KRABD3: variants seen among roughly 807,000 people sequenced by gnomAD.
The protein encoded by KRABD3 is KRAB domain containing 3.
At chr7:149,716,437 G>T in the KRABD3 span, among the ~76,000 whole-genome samples, 1 of 152,224 alleles carries the variant, frequency 6.6e-6, no homozygotes, top group African/African-American at 2.4e-5. Flanking sequence ...GAGCCAGCCA[G>T]TGGTGGCCTT....
At chr7:149,729,874 G>A in the KRABD3 span, 25 of 985,314 alleles carry the variant, frequency 2.5e-5, no homozygotes, top group African/African-American at 2.3e-4. Flanking sequence ...ACCTAGGCCT[G>A]GCTAGAACCT....
the KRABD3 span, among the ~76,000 whole-genome samples, chr7:149,726,881 A>G: frequency 1.3e-5 from 2 of 152,180 alleles, no homozygotes; most frequent in African/African-American, 4.8e-5. Context: ...GCACTCCAGC[A>G]TGGGTGACAG....
chr7:149,733,835 C>T, the KRABD3 span: 5 of 1,603,208 alleles, frequency 3.1e-6, no homozygotes, highest in African/African-American at 4.0e-5. Context: ...CCAGAGCCCC[C>T]TTCCCCCTTT....
chr7:149,725,542 G>A, the KRABD3 span: 14 of 1,505,956 alleles, frequency 9.3e-6, no homozygotes, highest in Non-Finnish European at 8.9e-6. Flanking sequence ...GGCAGCGGAG[G>A]CAGATGCTGA....
chr7:149,734,233 TG>T, the KRABD3 span: 1 of 723,428 alleles, frequency 1.4e-6, no homozygotes, highest in Non-Finnish European at 2.2e-6. Flanking sequence ...GAGGCTGCTG[TG>T]GGGGTGCCTT....
the KRABD3 span, among the ~76,000 whole-genome samples, chr7:149,719,046 C>T: frequency 1.3e-5 from 2 of 152,174 alleles, no homozygotes; most frequent in African/African-American, 4.8e-5. This position sits in a 1 kb window ranked among gnomAD's most constrained non-coding sequence, Gnocchi z 5.6. Flanking sequence ...CCTGCAGACC[C>T]GAAGCCCTAC....
the KRABD3 span, among the ~76,000 whole-genome samples, chr7:149,718,037 A>G: frequency 6.6e-6 from 1 of 152,086 alleles, no homozygotes; most frequent in Non-Finnish European, 1.5e-5. Flanking sequence ...ACCTCAGGTG[A>G]TCCACCCACC....
At chr7:149,723,903 G>C in the KRABD3 span, 1 of 1,611,832 alleles carries the variant, frequency 6.2e-7, no homozygotes, top group Non-Finnish European at 8.5e-7. Flanking sequence ...AAGGCTTCTC[G>C]CTGGGCTGGG....
the KRABD3 span, chr7:149,731,886 A>G: frequency 2.7e-5 from 19 of 704,432 alleles, 1 homozygote; most frequent in South Asian, 3.2e-4. Context: ...AGGAAGTCTC[A>G]CCTGTAATGC....
At chr7:149,733,607 C>G in the KRABD3 span, 18 of 1,596,236 alleles carry the variant, frequency 1.1e-5, no homozygotes, top group Non-Finnish European at 1.5e-5. Context: ...GAGGCCTAAA[C>G]CAAAGATCCT....
chr7:149,724,886 C>T, the KRABD3 span: 2 of 1,493,426 alleles, frequency 1.3e-6, no homozygotes, highest in East Asian at 2.4e-5. Flanking sequence ...TGGTCTTCCC[C>T]ATGGGCTTGT....
the KRABD3 span, chr7:149,721,787 G>A: frequency 3.0e-6 from 2 of 657,014 alleles, no homozygotes; most frequent in East Asian, 3.0e-5. Flanking sequence ...TGAGCACTTT[G>A]TACACAGAAA....
chr7:149,726,869 C>T, the KRABD3 span, among the ~76,000 whole-genome samples: 1 of 152,198 alleles, frequency 6.6e-6, no homozygotes, highest in African/African-American at 2.4e-5. Context: ...GTTCACACCA[C>T]TGCACTCCAG....
chr7:149,734,249 A>G, the KRABD3 span: 1 of 641,906 alleles, frequency 1.6e-6, no homozygotes, highest in East Asian at 2.8e-5. Context: ...TGCCTTCCTC[A>G]GCCTCTGGCC....
At chr7:149,722,492 C>T in the KRABD3 span, 3 of 1,605,714 alleles carry the variant, frequency 1.9e-6, no homozygotes, top group Non-Finnish European at 2.5e-6. Flanking sequence ...CCAGCCCTCC[C>T]ACCCATAGCC....
At chr7:149,733,715 G>A in the KRABD3 span, 1 of 1,581,660 alleles carries the variant, frequency 6.3e-7, no homozygotes, top group Non-Finnish European at 8.6e-7. Context: ...CGCTCCCCCG[G>A]CAGAACCTCC....
the KRABD3 span, chr7:149,725,208 G>C: frequency 8.7e-7 from 1 of 1,146,678 alleles, no homozygotes; most frequent in African/African-American, 1.6e-5. Context: ...CCTGGTACAG[G>C]ACTCGTCACC....
chr7:149,725,262 G>C, the KRABD3 span: 4 of 1,492,580 alleles, frequency 2.7e-6, no homozygotes, highest in East Asian at 7.5e-5. Context: ...GGGTCTGATG[G>C]GCAAGGCTGG....
chr7:149,730,312 A>G, the KRABD3 span: 1 of 1,547,650 alleles, frequency 6.5e-7, no homozygotes, highest in African/African-American at 1.4e-5. Context: ...CCGAGGCCAG[A>G]GCCTGATCTC....
Sources: gnomAD v4.1 joint callset for allele counts (sites outside exome capture counted in the v4.1 genomes callset) on GRCh38, gnomAD v4.1.1 for gene constraint, Gnocchi (gnomAD v3.1) non-coding constraint, MANE v1.5 for transcripts, NCBI Gene and HGNC (gene_info 2026-07-23, HGNC 2026-07-21) for gene names.